THOC5: variants seen among roughly 807,000 people sequenced by gnomAD.
THOC5 encodes the protein Fms-interacting protein.
THOC5 carries 43 observed loss-of-function variants against 92.9 expected under a neutral mutation model. The observed-to-expected ratio is 0.46, with a 90% CI of 0.36 to 0.60. The LOEUF (loss-of-function observed/expected upper bound fraction) is 0.60. Ranked by LOEUF, THOC5 falls within the 20% of genes least tolerant of loss-of-function variation. The pLI is 0.00. For missense variants in THOC5, 659 were observed against 849.4 expected (o/e 0.78, Z 2.79); for synonymous variants, 296 against 320.1 (o/e 0.92, Z 0.80).
chr22:29,543,347 CAAAAAAAAAAAAAA>C lies in THOC5; in HGVS notation c.354+68_354+81del, dbSNP rs59948387. The C allele has an allele frequency of 1.1e-5, 5 of 466,258 alleles. No individual in the cohort carries two copies. The African/African-American group carries it at 1.4e-4, about 13-fold the overall frequency. The allele number at this position is 466,258 out of a possible 1,614,324, so 28.9% of individuals were successfully genotyped here. A position where few individuals can be genotyped will look rare whatever the true frequency, so the allele number is the denominator to read the frequency against. On this transcript the variant is annotated intron_variant, in intron 4 of 19. Transcript: ENST00000490103. ...TGGGGGACAGAACGAGACTCTGTCTCAAAAAAAAAAAAAAAAAAAAAAAAAGAAGGGGATGGGGA... is the reference window on the plus strand; with the variant it reads ...TGGGGGACAGAACGAGACTCTGTCTCAAAAAAAAAAAGAAGGGGATGGGGA...
intron 4 of THOC5, 79 bp downstream of exon 4, chr22:29,543,350 A>AC: frequency 2.2e-6 from 1 of 449,106 alleles, no homozygotes; most frequent in Non-Finnish European, 3.3e-6. Context: ...TCTGTCTCAA[A>AC]AAAAAAAAAA....
chr22:29,521,550 C>G (rs1479822524), intron 12 of THOC5, among the ~76,000 whole-genome samples: 2 of 152,166 alleles, frequency 1.3e-5, no homozygotes, highest in Non-Finnish European at 2.9e-5. Flanking sequence ...CTCCTTTCTG[C>G]TACAGAGAGA....
intron 17 of THOC5, chr22:29,513,895 G>A (rs978999116): frequency 2.0e-5 from 3 of 151,750 alleles, no homozygotes; most frequent in Admixed American, 2.0e-4. Context: ...CTCTGCTGCT[G>A]TATTGCTTCT....
In THOC5 at chr22:29,543,521, TC is replaced by T. The variant is rs775489438; in HGVS notation, c.261del (p.Arg88GlyfsTer9). 1 of 1,613,624 alleles carries T rather than the reference TC, an allele frequency of 6.2e-7. No individual in the cohort carries two copies. Among genetic ancestry groups the T allele is most frequent in the East Asian group, 2.2e-5 (1 of 44,870 alleles). On this transcript the variant is annotated frameshift_variant, in exon 4 of 20. Coordinates refer to ENST00000490103, the MANE Select transcript of THOC5 (RefSeq NM_003678.5). LOFTEE classifies it high-confidence loss of function. ...ATGAAATGCACACAGCTCTGGATCC[TC>T]CGTTCTTCTATTTCTATTGCCTGTG... The part of the protein sequence containing the change: ...GKDVAIEIEE[R>X]RIQSCVHFMT...
chr22:29,552,720 G>A (rs1350001362), intron 1 of THOC5, among the ~76,000 whole-genome samples: 38 of 152,240 alleles, frequency 2.5e-4, no homozygotes, highest in Non-Finnish European at 1.3e-4. Context: ...CTGCCTGGCC[G>A]CCACCCCGTC....
chr22:29,541,100 G>A (rs964826443), intron 5 of THOC5, among the ~76,000 whole-genome samples: 10 of 151,670 alleles, frequency 6.6e-5, no homozygotes, highest in East Asian at 1.9e-4. Flanking sequence ...GCATGCAATC[G>A]CTTGAACCCA....
chr22:29,544,768 C>T (rs1031900897), intron 2 of THOC5, among the ~76,000 whole-genome samples, 165 bp from the exon 3 acceptor site: 1 of 152,144 alleles, frequency 6.6e-6, no homozygotes, highest in Non-Finnish European at 1.5e-5. Flanking sequence ...TTCTTCTCTT[C>T]AAAATAGAAA....
chr22:29,537,793 A>T (rs2084761698), intron 6 of THOC5, among the ~76,000 whole-genome samples: 1 of 151,916 alleles, frequency 6.6e-6, no homozygotes, highest in South Asian at 2.1e-4. Context: ...CAGGAGGCTG[A>T]GGCAGGAGAA....
Position 29,536,806 on chromosome 22 carries a change from G to A in THOC5, c.600-68C>T, listed in dbSNP as rs1253543970. On this transcript the variant is annotated intron_variant, in intron 6 of 19. Coordinates refer to ENST00000490103, the MANE Select transcript of THOC5 (RefSeq NM_003678.5). ...TGATACCTCAACATGCCTGTTCACT[G>A]TCAGACTCCACCTAATAGTAGCAGC... 1.3e-5 allele frequency: 11 copies of A among 864,446 alleles called. 1 individual carries two copies. Among genetic ancestry groups the A allele is most frequent in the Non-Finnish European group, 2.2e-5 (11 of 500,744 alleles). 53.5% of individuals were successfully genotyped at this position (864,446 alleles called of 1,614,324 possible).
chr22:29,543,704 A>G (rs902946855), intron 3 of THOC5, among the ~76,000 whole-genome samples, 162 bp from the exon 4 acceptor site: 12 of 152,172 alleles, frequency 7.9e-5, no homozygotes, highest in Non-Finnish European at 1.5e-4. Context: ...TGATTGTATA[A>G]GGAAAATGAT....
At chr22:29,517,490 GTACT>G in intron 15 of THOC5, 124 bp from the exon 16 acceptor site, 1 of 769,588 alleles carries the variant, frequency 1.3e-6, no homozygotes, top group Non-Finnish European at 2.1e-6. Context: ...GGTATACCTG[GTACT>G]CAGGAAGTAC....
Position 29,508,519 on chromosome 22 carries a change from C to T in THOC5, c.1990G>A (p.Gly664Ser). Reference sequence around the variant, plus strand: ...TTAAATGGCTTCATCCTGCTAGGACCCCTAGAGAAATAGGAGAACGGAGTT... The same window carrying T: ...TTAAATGGCTTCATCCTGCTAGGACTCCTAGAGAAATAGGAGAACGGAGTT... Reference protein sequence around the residue: ...QEKMCLRLFRGPSRMKPFKYN... With the variant: ...QEKMCLRLFRSPSRMKPFKYN... Residue 664 changes from glycine (G) to serine (S), a missense_variant and splice_region_variant, in exon 20 of 20, where the codon GGT becomes AGT. Coordinates refer to ENST00000490103, the MANE Select transcript of THOC5 (RefSeq NM_003678.5). 5 of 1,613,570 alleles carry T rather than the reference C, an allele frequency of 3.1e-6. No homozygotes were observed. The highest frequency in any genetic ancestry group is 3.4e-6 in the Non-Finnish European group (4 of 1,179,584).
At chr22:29,517,473 C>G in intron 15 of THOC5, 107 bp from the exon 16 acceptor site, 1 of 925,030 alleles carries the variant, frequency 1.1e-6, no homozygotes, top group Non-Finnish European at 1.7e-6. Context: ...GCCCGGCCAG[C>G]TATCCTGGTA....
intron 3 of THOC5, 105 bp from the exon 4 acceptor site, chr22:29,543,647 G>C: frequency 1.5e-6 from 1 of 681,650 alleles, no homozygotes; most frequent in Non-Finnish European, 2.5e-6. Context: ...AAACGGCACC[G>C]GAGGGAGCTC....
intron 12 of THOC5, among the ~76,000 whole-genome samples, chr22:29,522,194 CAA>C (rs34045670): frequency 4.4e-4 from 60 of 137,604 alleles, no homozygotes; most frequent in East Asian, 4.2e-4. Context: ...GCTAAAAATA[CAA>C]AAAAAAAAAA....
intron 15 of THOC5, among the ~76,000 whole-genome samples, chr22:29,518,281 C>T (rs1342505074): frequency 6.6e-6 from 1 of 152,124 alleles, no homozygotes; most frequent in African/African-American, 2.4e-5. Flanking sequence ...GATCTGTCTG[C>T]CTTGGCCTCC....
chr22:29,542,800 T>A, intron 5 of THOC5, 59 bp downstream of exon 5: 1 of 1,146,384 alleles, frequency 8.7e-7, no homozygotes, highest in Non-Finnish European at 1.3e-6. Context: ...GTGAGCTACA[T>A]GGGAAAAAGC....
chr22:29,508,996 G>C lies in THOC5; in HGVS notation c.1989-476C>G, dbSNP rs115900143. 3.0e-3 allele frequency among the ~76,000 whole-genome samples: 457 copies of C among 152,146 alleles called. 1 individual carries two copies. The highest frequency in any genetic ancestry group is 0.011 in the African/African-American group (438 of 41,516). ...GTTTAGTTTAGGTTTTGCCATGTTGGCCAGGCTGGTGGAACTCCTGGCCTC... is the reference window on the plus strand; with the variant it reads ...GTTTAGTTTAGGTTTTGCCATGTTGCCCAGGCTGGTGGAACTCCTGGCCTC... On this transcript the variant is annotated intron_variant, in intron 19 of 19. Coordinates refer to ENST00000490103, the MANE Select transcript of THOC5 (RefSeq NM_003678.5).
chr22:29,531,904 A>G lies in THOC5; in HGVS notation c.774T>C (p.Tyr258=). 6.2e-7 allele frequency: 1 copy of G among 1,614,202 alleles called. No homozygotes were observed. The highest frequency in any genetic ancestry group is 8.5e-7 in the Non-Finnish European group (1 of 1,180,034). ...GAGGCGGCAGGTGTCTGGCTGTCTCATACTGCTTGTGAGCCTGGTCGAATG... is the reference window on the plus strand; with the variant it reads ...GAGGCGGCAGGTGTCTGGCTGTCTCGTACTGCTTGTGAGCCTGGTCGAATG... ...FMPFDQAHKQ[Y]ETARHLPPPL... The change falls in exon 8 of 20, where the codon TAT becomes TAC. Residue 258 remains tyrosine, a synonymous_variant. Transcript: ENST00000490103.
Sources: gnomAD v4.1 joint callset for allele counts (sites outside exome capture counted in the v4.1 genomes callset) on GRCh38, gnomAD v4.1.1 for gene constraint, MANE v1.5 for transcripts, NCBI Gene and HGNC (gene_info 2026-07-23, HGNC 2026-07-21) for gene names.